The following SMS variants were observed in gnomAD, a reference collection of about 807,000 sequenced individuals.
SMS encodes the protein spermidine aminopropyltransferase.
SMS carries 3 observed loss-of-function variants against 33.0 expected under a neutral mutation model. That is an observed-to-expected ratio of 0.09 (90% CI 0.04 to 0.23). SMS has a LOEUF of 0.23. Ranked by LOEUF, SMS falls within the 10% of genes least tolerant of loss-of-function variation. The probability of loss-of-function intolerance (pLI) is 1.00; values close to 1 mark genes in which losing one functional copy is unlikely to be tolerated. For synonymous variants in SMS, 103 were observed against 112.2 expected (o/e 0.92, Z 0.52); for missense variants, 117 against 288.6 (o/e 0.41, Z 4.31).
At chrX:21,988,662 CAAAAAAAAAAAAAAAAAA>C (rs199561897) in intron 9 of SMS, among the ~76,000 whole-genome samples, 13 of 66,121 alleles carry the variant, frequency 2.0e-4, no homozygotes, top group African/African-American at 1.1e-4. Context: ...GACTCTGTCT[CAAAAAAAAAAAAAAAAAA>C]AAAAAAAAAA....
chrX:21,994,188 C>A (rs778288627), intron 10 of SMS, 124 bp from the exon 11 acceptor site: 14 of 664,186 alleles, frequency 2.1e-5, no homozygotes, highest in Non-Finnish European at 3.4e-5. Flanking sequence ...CGTTCTCATT[C>A]CCACAGTGCT....
intron 1 of SMS, among the ~76,000 whole-genome samples, chrX:21,950,622 G>C (rs1293114074): frequency 9.3e-6 from 1 of 107,569 alleles, no homozygotes; most frequent in Non-Finnish European, 1.9e-5. Flanking sequence ...ACAGGCCCAG[G>C]TGTATGATGT....
chrX:21,958,863 A>C (rs767454024), intron 1 of SMS, among the ~76,000 whole-genome samples: 21 of 112,956 alleles, frequency 1.9e-4, no homozygotes, highest in African/African-American at 6.7e-4. Context: ...TTTTCTGGAC[A>C]TAACAAATAG....
chrX:21,979,967 TTAA>T (rs202177315), intron 7 of SMS, among the ~76,000 whole-genome samples: 4 of 107,076 alleles, frequency 3.7e-5, no homozygotes, highest in Admixed American at 1.0e-4. Context: ...AAAAAAAACC[TTAA>T]TAATAATAAT....
At chrX:21,965,917 A>G (rs190572715) in intron 1 of SMS, among the ~76,000 whole-genome samples, 5 of 111,400 alleles carry the variant, frequency 4.5e-5, no homozygotes, top group East Asian at 5.6e-4. Context: ...GATTGCGCCA[A>G]TGCACTTCAA....
chrX:21,943,409 T>G (rs972616897), intron 1 of SMS, among the ~76,000 whole-genome samples: 1 of 111,765 alleles, frequency 8.9e-6, no homozygotes, highest in Non-Finnish European at 1.9e-5. Flanking sequence ...GAGGAGAAAC[T>G]GACGTTTTTG....
intron 4 of SMS, among the ~76,000 whole-genome samples, chrX:21,973,703 G>C (rs1380354626): frequency 8.8e-6 from 1 of 113,121 alleles, no homozygotes; most frequent in African/African-American, 3.2e-5. Context: ...CCTATCCAGT[G>C]GGATGGGCAC....
At chrX:21,956,275 C>T (rs1012188696) in intron 1 of SMS, among the ~76,000 whole-genome samples, 15 of 110,636 alleles carry the variant, frequency 1.4e-4, no homozygotes, top group African/African-American at 4.6e-4. Context: ...AGAAACCATT[C>T]TATGAAAAAG....
At chrX:21,991,331 C>T (rs1925746882) in intron 9 of SMS, among the ~76,000 whole-genome samples, 2 of 111,043 alleles carry the variant, frequency 1.8e-5, no homozygotes, top group African/African-American at 6.6e-5. Flanking sequence ...GCGCATGCCA[C>T]CACGCCTGGC....
intron 2 of SMS, among the ~76,000 whole-genome samples, chrX:21,971,308 C>G (rs912586991): frequency 1.8e-5 from 2 of 111,529 alleles, no homozygotes; most frequent in African/African-American, 6.5e-5. Flanking sequence ...AAGGGCTGGT[C>G]AGAAAATTTT....
intron 2 of SMS, among the ~76,000 whole-genome samples, chrX:21,970,352 C>T (rs1470430383): frequency 9.0e-6 from 1 of 111,066 alleles, no homozygotes; most frequent in African/African-American, 3.3e-5. Flanking sequence ...ACACTGCCTT[C>T]TAGCATTCTC....
Position 21,987,112 on chromosome X carries a change from C to T in SMS, c.945+1889C>T, listed in dbSNP as rs181231924. 4.1e-3 allele frequency among the ~76,000 whole-genome samples: 443 copies of T among 109,017 alleles called. 2 individuals are homozygous for T. The highest frequency in any genetic ancestry group is 0.014 in the African/African-American group (425 of 29,912). 94.7% of individuals were successfully genotyped at this position (109,017 alleles called of 115,157 possible). A position where few individuals can be genotyped will look rare whatever the true frequency, so the allele number is the denominator to read the frequency against. ...CTGGGTTCAAGCGATTCTCCTGCCT[C>T]AGCCTCCTGAGTAGCTGGGATTATA... On this transcript the variant is annotated intron_variant, in intron 9 of 10. Transcript: ENST00000404933.
At chrX:21,970,714 G>T (rs753722302) in intron 2 of SMS, among the ~76,000 whole-genome samples, 3 of 105,433 alleles carry the variant, frequency 2.8e-5, no homozygotes, top group Non-Finnish European at 5.8e-5. Context: ...GACTACAGGC[G>T]TGTGCCACCA....
chrX:21,941,883 TCAAAAAAAAAAAA>T (rs1921815734), intron 1 of SMS, among the ~76,000 whole-genome samples: 1 of 22,603 alleles, frequency 4.4e-5, no homozygotes. Flanking sequence ...AGACCCTGTC[TCAAAAAAAAAAAA>T]AAAAAAAAAA....
chrX:21,942,750 G>A (rs1370532422), intron 1 of SMS, among the ~76,000 whole-genome samples: 1 of 110,254 alleles, frequency 9.1e-6, no homozygotes, highest in African/African-American at 3.3e-5. Context: ...CAGCTAGTAA[G>A]GGGTGAGTCT....
At chrX:21,946,867 AGT>A (rs1463772259) in intron 1 of SMS, among the ~76,000 whole-genome samples, 1 of 111,809 alleles carries the variant, frequency 8.9e-6, no homozygotes, top group African/African-American at 3.3e-5. Flanking sequence ...CCTTCTTGGA[AGT>A]GTCAGTTATG....
At chrX:21,990,827 T>C (rs1404929961) in intron 9 of SMS, among the ~76,000 whole-genome samples, 3 of 112,860 alleles carry the variant, frequency 2.7e-5, no homozygotes, top group Non-Finnish European at 5.6e-5. Flanking sequence ...TTTCTATTTG[T>C]GAATCTTAAA....
chrX:21,990,927 A>AT (rs1306572407), intron 9 of SMS, among the ~76,000 whole-genome samples: 1 of 112,523 alleles, frequency 8.9e-6, no homozygotes, highest in Non-Finnish European at 1.9e-5. Flanking sequence ...CCATGGCCAT[A>AT]TCCCACTGCA....
intron 8 of SMS, 127 bp from the exon 9 acceptor site, chrX:21,985,017 G>T (rs1925228479): frequency 2.1e-6 from 1 of 467,694 alleles, no homozygotes; most frequent in South Asian, 2.8e-5. Flanking sequence ...TCTTTGAATA[G>T]TGGGTCTTAC....
Sources: allele counts gnomAD v4.1 joint callset (sites outside exome capture counted in the v4.1 genomes callset), GRCh38; gene constraint gnomAD v4.1.1; transcripts MANE v1.5; gene names NCBI Gene and HGNC (gene_info 2026-07-23, HGNC 2026-07-21).